Variants in BCL2L13 observed in about 807,000 individuals in gnomAD.
BCL2L13 encodes bcl-2-like protein 13.
BCL2L13 carries 13 observed loss-of-function variants against 25.8 expected under a neutral mutation model. That is an observed-to-expected ratio of 0.50 (90% CI 0.33 to 0.80). BCL2L13 has a LOEUF of 0.80. BCL2L13 is among the 30% of genes least tolerant of loss of function. The probability of loss-of-function intolerance (pLI) is 0.02; values close to 1 mark genes in which losing one functional copy is unlikely to be tolerated. For missense variants in BCL2L13, 504 were observed against 574.9 expected (o/e 0.88, Z 1.26); for synonymous variants, 244 against 230.3 (o/e 1.06, Z -0.54).
chr22:17,685,137 G>C lies in BCL2L13; in HGVS notation c.229+1816G>C, dbSNP rs187798827. On this transcript the variant is annotated intron_variant, in intron 3 of 6. Coordinates refer to ENST00000317582, the MANE Select transcript of BCL2L13 (RefSeq NM_015367.4). The stretch of plus-strand genomic sequence containing the variant: ...GATCCGCCCACCTCGGTCTCCCAAA[G>C]TGCTGGGATTAAAGGCGTGATCCAC... Among the ~76,000 whole-genome samples, 28 of 152,240 alleles carry C rather than the reference G, an allele frequency of 1.8e-4. No homozygotes were observed. The East Asian group carries it at 5.0e-3, about 27-fold the overall frequency.
chr22:17,673,361 CTT>C (rs35861622), intron 2 of BCL2L13, among the ~76,000 whole-genome samples: 45,024 of 115,588 alleles, frequency 0.39, 7,913 homozygotes, highest in East Asian at 0.73. Context: ...TCTTTTCTTT[CTT>C]TTTTTTTTTT....
At chr22:17,657,112 C>T (rs1201369016) in intron 2 of BCL2L13, among the ~76,000 whole-genome samples, 6 of 152,210 alleles carry the variant, frequency 3.9e-5, no homozygotes, top group African/African-American at 1.4e-4. Context: ...AGCCCCAGGC[C>T]GGCTTGGCTG....
intron 4 of BCL2L13, among the ~76,000 whole-genome samples, chr22:17,694,814 C>T (rs1424734196): frequency 6.6e-6 from 1 of 152,156 alleles, no homozygotes; most frequent in Non-Finnish European, 1.5e-5. Flanking sequence ...TGTTAAAATG[C>T]AGGTGGTGGG....
Position 17,696,227 on chromosome 22 carries a change from C to CT in BCL2L13, c.456+21dup. 6.2e-7 allele frequency: 1 copy of CT among 1,604,896 alleles called. No homozygotes were observed. The highest frequency in any genetic ancestry group is 1.1e-5 in the South Asian group (1 of 90,902). ...TGGAATAAGGTATCATCACAATGAT[C>CT]TTTTCTCTTAAAAGATTTTAGTGTG... On this transcript the variant is annotated intron_variant, in intron 5 of 6. Transcript: ENST00000317582.
At chr22:17,667,745 G>A (rs552380196) in intron 2 of BCL2L13, among the ~76,000 whole-genome samples, 1 of 151,878 alleles carries the variant, frequency 6.6e-6, no homozygotes, top group Non-Finnish European at 1.5e-5. Context: ...CTGACCTCTA[G>A]TGATCTGCCC....
intron 2 of BCL2L13, among the ~76,000 whole-genome samples, chr22:17,673,259 A>G (rs2059470730): frequency 6.6e-6 from 1 of 151,616 alleles, no homozygotes; most frequent in South Asian, 2.1e-4. Context: ...CTCCATCGTG[A>G]CTCATCGCCA....
chr22:17,666,609 C>G (rs1180992169), intron 2 of BCL2L13, among the ~76,000 whole-genome samples: 1 of 151,380 alleles, frequency 6.6e-6, no homozygotes, highest in African/African-American at 2.4e-5. Context: ...CTTTCTGTGC[C>G]TGGCTTATTT....
At chr22:17,653,800 A>G (rs1158069975) in intron 1 of BCL2L13, among the ~76,000 whole-genome samples, 2 of 150,774 alleles carry the variant, frequency 1.3e-5, no homozygotes, top group Admixed American at 6.6e-5. Flanking sequence ...CACTGTGCCA[A>G]CCACTTATAT....
rs768488873 is a variant in BCL2L13, at chr22:17,646,955, A to ATATATTTT, written c.-51+8070_-51+8071insATATTTTT. ...TACATATATATATATATATATATAT[A>ATATATTTT]TTTTTTTTTTTTTTTTTTTTTTTTC... On this transcript the variant is annotated intron_variant, in intron 1 of 6. Transcript: ENST00000317582. 2.6e-3 allele frequency among the ~76,000 whole-genome samples: 57 copies of ATATATTTT among 22,186 alleles called. 2 individuals carry two copies. Among genetic ancestry groups the ATATATTTT allele is most frequent in the East Asian group, 5.5e-3 (1 of 182 alleles). The allele number at this position is 22,186 out of a possible 152,430, so 14.6% of individuals were successfully genotyped here.
At chr22:17,669,118 C>T (rs1035088629) in intron 2 of BCL2L13, among the ~76,000 whole-genome samples, 22 of 147,930 alleles carry the variant, frequency 1.5e-4, no homozygotes, top group Non-Finnish European at 2.4e-4. Context: ...CTGCAAGCTC[C>T]GCCTCCCAGG....
Position 17,655,796 on chromosome 22 carries a change from G to A in BCL2L13, c.85G>A (p.Glu29Lys), listed in dbSNP as rs756001448. 5.0e-6 allele frequency: 8 copies of A among 1,613,590 alleles called. No homozygotes were observed. In the East Asian group the frequency reaches 1.6e-4, roughly 31 times the overall value. Residue 29 changes from glutamate (E) to lysine (K), a missense_variant, in exon 2 of 7, where the codon GAG becomes AAG. By Grantham distance (56) the Glu-to-Lys change is moderately conservative. Coordinates refer to ENST00000317582, the MANE Select transcript of BCL2L13 (RefSeq NM_015367.4). ...CAGCTACTTGGGACTCCTCTCTCAA[G>A]AGAAGCTGCAAGAGCAACATCTTTC... ...VLSYLGLLSQ[E>K]KLQEQHLSSP...
intron 6 of BCL2L13, among the ~76,000 whole-genome samples, chr22:17,711,412 C>G (rs2060757906): frequency 6.7e-6 from 1 of 149,506 alleles, no homozygotes; most frequent in African/African-American, 2.5e-5. Context: ...ATCCTCCCAC[C>G]TCAGCCTCTT....
intron 1 of BCL2L13, among the ~76,000 whole-genome samples, chr22:17,642,309 C>A (rs931970321): frequency 2.6e-5 from 4 of 151,902 alleles, no homozygotes; most frequent in African/African-American, 9.7e-5. Context: ...CAGGTGCGTG[C>A]CACCACACCC....
At chr22:17,683,172 C>G in intron 2 of BCL2L13, 42 bp from the exon 3 acceptor site, 5 of 1,064,774 alleles carry the variant, frequency 4.7e-6, no homozygotes, top group Non-Finnish European at 7.1e-6. Context: ...CTAATGGTTT[C>G]TCTCTCCCTC....
intron 4 of BCL2L13, chr22:17,692,452 G>A (rs1226010888): frequency 6.6e-6 from 1 of 152,214 alleles, no homozygotes. Context: ...GAAGTGAGGG[G>A]ACTGATATAT....
intron 3 of BCL2L13, among the ~76,000 whole-genome samples, chr22:17,685,007 T>C (rs1217682859): frequency 6.6e-6 from 1 of 152,104 alleles, no homozygotes; most frequent in African/African-American, 2.4e-5. Context: ...AGTGCTGGGA[T>C]TACAGGCATG....
intron 6 of BCL2L13, among the ~76,000 whole-genome samples, chr22:17,715,854 A>G (rs539320512): frequency 2.0e-5 from 3 of 152,342 alleles, no homozygotes; most frequent in Non-Finnish European, 4.4e-5. Flanking sequence ...AGACACAGGT[A>G]CAGTTCAGAG....
chr22:17,655,663 T>G lies in BCL2L13; in HGVS notation c.-49T>G. ...AAAAAATTACTTTTTTGTTCTTAGG[T>G]TTTACACATCCATAAGTAGACCTTT... On this transcript the variant is annotated splice_region_variant and 5_prime_UTR_variant, in exon 2 of 7. Coordinates refer to ENST00000317582, the MANE Select transcript of BCL2L13 (RefSeq NM_015367.4). The G allele has an allele frequency of 1.9e-6, 3 of 1,568,888 alleles. No homozygotes were observed. Among genetic ancestry groups the G allele is most frequent in the Non-Finnish European group, 2.6e-6 (3 of 1,160,394 alleles).
intron 6 of BCL2L13, chr22:17,706,943 T>C (rs2060611137): frequency 6.8e-6 from 5 of 734,560 alleles, no homozygotes; most frequent in Non-Finnish European, 1.0e-5. Context: ...TTGTAATATT[T>C]AAGTATTTTG....
Sources: allele counts gnomAD v4.1 joint callset (sites outside exome capture counted in the v4.1 genomes callset), GRCh38; gene constraint gnomAD v4.1.1; transcripts MANE v1.5; gene names NCBI Gene and HGNC (gene_info 2026-07-23, HGNC 2026-07-21).